Variants in JARID2 observed in about 807,000 individuals in gnomAD.
The protein encoded by JARID2 is jumonji and AT-rich interaction domain containing 2.
JARID2 carries 21 observed loss-of-function variants against 125.6 expected under a neutral mutation model. The observed-to-expected ratio is 0.17, with a 90% CI of 0.12 to 0.24. JARID2 has a LOEUF of 0.24. JARID2 is among the 10% of genes least tolerant of loss of function. The probability of loss-of-function intolerance (pLI) is 1.00; values close to 1 mark genes in which losing one functional copy is unlikely to be tolerated. For missense variants in JARID2, 1,303 were observed against 1,639.6 expected (o/e 0.79, Z 3.55); for synonymous variants, 736 against 661.6 (o/e 1.11, Z -1.73).
chr6:15,358,367 C>A (rs909948756), intron 1 of JARID2, among the ~76,000 whole-genome samples: 8 of 152,156 alleles, frequency 5.3e-5, no homozygotes, highest in Non-Finnish European at 1.0e-4. Context: ...CCAATATCTC[C>A]TTTCTGCTAT....
chr6:15,360,098 G>A (rs1001996518), intron 1 of JARID2, among the ~76,000 whole-genome samples: 1 of 152,040 alleles, frequency 6.6e-6, no homozygotes, highest in Admixed American at 6.6e-5. Context: ...TGGCTCTTGA[G>A]TAATTTCTCT....
chr6:15,357,736 C>T (rs1763653916), intron 1 of JARID2, among the ~76,000 whole-genome samples: 1 of 152,002 alleles, frequency 6.6e-6, no homozygotes, highest in South Asian at 2.1e-4. Context: ...TTTAAAGAAA[C>T]TCTTCTGTTT....
intron 3 of JARID2, among the ~76,000 whole-genome samples, chr6:15,414,824 ATTTATT>A: frequency 6.6e-6 from 1 of 150,924 alleles, no homozygotes; most frequent in East Asian, 2.0e-4. Flanking sequence ...GTTTGTTTTT[ATTTATT>A]TTTATTGATC....
chr6:15,396,109 G>C (rs767191816), intron 2 of JARID2, among the ~76,000 whole-genome samples: 24 of 152,106 alleles, frequency 1.6e-4, no homozygotes, highest in Admixed American at 3.3e-4. Flanking sequence ...TGTTTGACTT[G>C]GCATTATTTC....
rs755587500 is a variant in JARID2, at chr6:15,513,058, C to A, written c.3266+13C>A. On this transcript the variant is annotated intron_variant, in intron 15 of 17. Coordinates refer to ENST00000341776, the MANE Select transcript of JARID2 (RefSeq NM_004973.4). ...TGGATGAGCTCAGGTAACAGACCCC[C>A]AGAGCCCACGCCAGAGAGCTGGACC... The A allele has an allele frequency of 8.7e-6, 14 of 1,613,924 alleles. No homozygotes were observed. The highest frequency in any genetic ancestry group is 1.3e-5 in the African/African-American group (1 of 74,914).
chr6:15,265,006 G>C (rs1239048807), intron 1 of JARID2, among the ~76,000 whole-genome samples: 1 of 152,092 alleles, frequency 6.6e-6, no homozygotes, highest in East Asian at 1.9e-4. Context: ...AGCTGCTGTG[G>C]GGCCTTTACA....
chr6:15,423,775 G>A (rs1449495896), intron 3 of JARID2, among the ~76,000 whole-genome samples: 1 of 152,152 alleles, frequency 6.6e-6, no homozygotes, highest in East Asian at 1.9e-4. Context: ...CTCCTTGCTG[G>A]CCTCTGCTTC....
At chr6:15,247,993 A>G (rs774736325) in intron 1 of JARID2, 32 of 985,424 alleles carry the variant, frequency 3.2e-5, no homozygotes, top group Non-Finnish European at 3.9e-5. Context: ...CAAATGGGGT[A>G]GAACTTGGAC....
At chr6:15,372,239 T>A (rs995776882) in intron 1 of JARID2, among the ~76,000 whole-genome samples, 8 of 152,172 alleles carry the variant, frequency 5.3e-5, no homozygotes, top group Non-Finnish European at 7.3e-5. Context: ...ACCAATTCTT[T>A]TGTATAAACC....
At chr6:15,342,392 C>T (rs1763098428) in intron 1 of JARID2, among the ~76,000 whole-genome samples, 1 of 152,216 alleles carries the variant, frequency 6.6e-6, no homozygotes, top group Non-Finnish European at 1.5e-5. Flanking sequence ...GCAGAGCAGA[C>T]ACTAAATACT....
chr6:15,282,488 A>G (rs922241510), intron 1 of JARID2, among the ~76,000 whole-genome samples: 9 of 150,682 alleles, frequency 6.0e-5, no homozygotes, highest in Non-Finnish European at 4.4e-5. Flanking sequence ...ACTTTTATCC[A>G]CTATTATATT....
At chr6:15,383,972 T>G (rs1443127840) in intron 2 of JARID2, among the ~76,000 whole-genome samples, 1 of 151,352 alleles carries the variant, frequency 6.6e-6, no homozygotes, top group East Asian at 2.0e-4. Flanking sequence ...TTTTGTATTT[T>G]TAGTAGAGAT....
At chr6:15,414,254 C>G (rs139842749) in intron 3 of JARID2, among the ~76,000 whole-genome samples, 1 of 152,202 alleles carries the variant, frequency 6.6e-6, no homozygotes, top group East Asian at 1.9e-4. Context: ...CCAACCTGCA[C>G]GTTGAAGCAA....
At chr6:15,431,365 G>T (rs922361639) in intron 3 of JARID2, among the ~76,000 whole-genome samples, 1 of 152,154 alleles carries the variant, frequency 6.6e-6, no homozygotes, top group Non-Finnish European at 1.5e-5. Context: ...CGATCCGTAT[G>T]TCTCATAAAC....
At chr6:15,328,130 G>A (rs17687211) in intron 1 of JARID2, among the ~76,000 whole-genome samples, 4,827 of 152,142 alleles carry the variant, frequency 0.032, 127 homozygotes, top group South Asian at 0.11. Context: ...GGAACCAGGA[G>A]GTGAATTTTA....
intron 4 of JARID2, 106 bp from the exon 5 acceptor site, chr6:15,468,436 C>G (rs902650206): frequency 3.2e-6 from 3 of 935,030 alleles, no homozygotes; most frequent in Non-Finnish European, 4.7e-6. Flanking sequence ...CAGTAGAGAT[C>G]AGTTGCTTTG....
At position 15,260,880 on chromosome 6, in the gene JARID2, C is replaced by G. The variant is rs548925594; in HGVS notation, c.45+14296C>G. 1.2e-3 allele frequency among the ~76,000 whole-genome samples: 185 copies of G among 152,346 alleles called. 1 individual carries two copies. The highest frequency in any genetic ancestry group is 2.5e-3 in the Admixed American group (39 of 15,308). On this transcript the variant is annotated intron_variant, in intron 1 of 17. Coordinates refer to ENST00000341776, the MANE Select transcript of JARID2 (RefSeq NM_004973.4). Reference sequence around the variant, plus strand: ...TTGCTCTAATTAAGCGATGTGATCACTGTCCCAACACTGACATACCCCAGG... The same window carrying G: ...TTGCTCTAATTAAGCGATGTGATCAGTGTCCCAACACTGACATACCCCAGG...
At chr6:15,253,893 G>A (rs929999158) in intron 1 of JARID2, among the ~76,000 whole-genome samples, 1 of 152,162 alleles carries the variant, frequency 6.6e-6, no homozygotes, top group African/African-American at 2.4e-5. Flanking sequence ...GACAAGTAAG[G>A]TGAAAAACCA....
intron 12 of JARID2, among the ~76,000 whole-genome samples, chr6:15,509,609 T>TG (rs1771178254): frequency 6.6e-6 from 1 of 152,328 alleles, no homozygotes; most frequent in African/African-American, 2.4e-5. Flanking sequence ...GGCCACCAGC[T>TG]GGGGAGGGGA....
Sources: gnomAD v4.1 joint callset for allele counts (sites outside exome capture counted in the v4.1 genomes callset) on GRCh38, gnomAD v4.1.1 for gene constraint, MANE v1.5 for transcripts, NCBI Gene and HGNC (gene_info 2026-07-23, HGNC 2026-07-21) for gene names.